GABBR2: variants seen among roughly 807,000 people sequenced by gnomAD.
The protein encoded by GABBR2 is gamma-aminobutyric acid type B receptor subunit 2, also known as G-protein coupled receptor 51.
A neutral mutation model predicts 105.6 loss-of-function variants in GABBR2; 23 were observed. That is an observed-to-expected ratio of 0.22 (90% CI 0.16 to 0.31). The LOEUF (loss-of-function observed/expected upper bound fraction) is 0.31, where lower values mean the gene tolerates loss of function less well. Ranked by LOEUF, GABBR2 falls within the 10% of genes least tolerant of loss-of-function variation. The probability of loss-of-function intolerance (pLI) is 1.00; values close to 1 mark genes in which losing one functional copy is unlikely to be tolerated. For synonymous variants in GABBR2, 478 were observed against 499.7 expected (o/e 0.96, Z 0.58); for missense variants, 734 against 1,245.5 (o/e 0.59, Z 6.18).
At chr9:98,684,992 G>C (rs1830602323) in intron 1 of GABBR2, among the ~76,000 whole-genome samples, 1 of 152,172 alleles carries the variant, frequency 6.6e-6, no homozygotes, top group African/African-American at 2.4e-5. Context: ...TATCATTCCT[G>C]GGTGTGTCTG....
intron 1 of GABBR2, among the ~76,000 whole-genome samples, chr9:98,661,709 CTA>C (rs1830266724): frequency 6.6e-6 from 1 of 152,148 alleles, no homozygotes; most frequent in African/African-American, 2.4e-5. Context: ...CCTGTGATGA[CTA>C]TGTTAGTGGA....
intron 1 of GABBR2, among the ~76,000 whole-genome samples, chr9:98,690,932 G>A (rs1226026392): frequency 6.6e-6 from 1 of 152,174 alleles, no homozygotes. Context: ...TGCCAACCTG[G>A]CCTCTCACTG....
At chr9:98,623,146 G>A (rs1368375268) in intron 1 of GABBR2, among the ~76,000 whole-genome samples, 11 of 152,148 alleles carry the variant, frequency 7.2e-5, no homozygotes, top group South Asian at 6.2e-4. Flanking sequence ...GTCTTCAGGC[G>A]GGGCGCGGTG....
intron 2 of GABBR2, among the ~76,000 whole-genome samples, chr9:98,575,925 A>G (rs1281149363): frequency 3.9e-5 from 6 of 152,274 alleles, no homozygotes; most frequent in African/African-American, 1.4e-4. Flanking sequence ...TTTCCTCTGC[A>G]GCGGCGCTCT....
intron 13 of GABBR2, among the ~76,000 whole-genome samples, chr9:98,347,175 T>C (rs513763): frequency 0.65 from 98,384 of 152,074 alleles, 32,668 homozygotes; most frequent in Admixed American, 0.74. Flanking sequence ...ATAATTGTTG[T>C]ACTAATTTAC....
intron 3 of GABBR2, among the ~76,000 whole-genome samples, chr9:98,497,860 T>A (rs1473706429): frequency 6.6e-6 from 1 of 152,146 alleles, no homozygotes; most frequent in Non-Finnish European, 1.5e-5. Flanking sequence ...TACCACATGA[T>A]CCAGCAATTC....
chr9:98,488,521 C>T (rs545534096), intron 4 of GABBR2, among the ~76,000 whole-genome samples: 46 of 152,088 alleles, frequency 3.0e-4, no homozygotes, highest in Admixed American at 5.2e-4. Context: ...GAAAGCCTGG[C>T]TCAATTTAGA....
chr9:98,327,801 G>A (rs1175607442), intron 13 of GABBR2, among the ~76,000 whole-genome samples: 1 of 151,580 alleles, frequency 6.6e-6, no homozygotes, highest in Non-Finnish European at 1.5e-5. Context: ...CCTGGGAGGT[G>A]GAAGTTACAG....
At chr9:98,345,571 C>T (rs1239726975) in intron 13 of GABBR2, among the ~76,000 whole-genome samples, 2 of 152,186 alleles carry the variant, frequency 1.3e-5, no homozygotes, top group Non-Finnish European at 2.9e-5. Context: ...TCCCACCACT[C>T]CTATTCAACA....
intron 6 of GABBR2, among the ~76,000 whole-genome samples, chr9:98,455,900 T>C (rs556475027): frequency 6.6e-6 from 1 of 152,318 alleles, no homozygotes; most frequent in Non-Finnish European, 1.5e-5. Context: ...TGCCTCCTCC[T>C]GTTTCAGGGT....
chr9:98,707,747 G>C (rs1830916934), intron 1 of GABBR2, among the ~76,000 whole-genome samples: 1 of 152,242 alleles, frequency 6.6e-6, no homozygotes, highest in South Asian at 2.1e-4. Flanking sequence ...CACTTTCTGA[G>C]CAACTAACCC....
chr9:98,299,749 TG>T (rs1830438899), intron 16 of GABBR2, among the ~76,000 whole-genome samples: 1 of 152,186 alleles, frequency 6.6e-6, no homozygotes, highest in Non-Finnish European at 1.5e-5. Flanking sequence ...TTTCTTTTTC[TG>T]TAGAATGGGG....
chr9:98,465,838 C>T (rs1205693728), intron 6 of GABBR2, among the ~76,000 whole-genome samples: 2 of 152,192 alleles, frequency 1.3e-5, no homozygotes, highest in African/African-American at 2.4e-5. Context: ...ACCAGAAAGA[C>T]GAATCTTCCC....
intron 6 of GABBR2, among the ~76,000 whole-genome samples, chr9:98,457,102 G>A (rs769267499): frequency 7.9e-5 from 12 of 152,316 alleles, no homozygotes; most frequent in East Asian, 3.9e-4. Flanking sequence ...ACTTGGATGC[G>A]TGTTTCTTTA....
rs147045805 is a variant in GABBR2, at chr9:98,526,176, C to T, written c.630+15697G>A. ...GAATTTTTTCCCAATAAAAACAAAACCCAAAACATTCTCCAATAGTTTCCC... is the reference window on the plus strand; with the variant it reads ...GAATTTTTTCCCAATAAAAACAAAATCCAAAACATTCTCCAATAGTTTCCC... On this transcript the variant is annotated intron_variant, in intron 3 of 18. Coordinates refer to ENST00000259455, the MANE Select transcript of GABBR2 (RefSeq NM_005458.8). 7.3e-3 allele frequency among the ~76,000 whole-genome samples: 1,107 copies of T among 152,212 alleles called. 1 individual carries two copies. The highest frequency in any genetic ancestry group is 0.015 in the South Asian group (73 of 4,816).
At chr9:98,466,049 T>C (rs1410765221) in intron 6 of GABBR2, among the ~76,000 whole-genome samples, 1 of 152,230 alleles carries the variant, frequency 6.6e-6, no homozygotes, top group Non-Finnish European at 1.5e-5. Context: ...CTCTTCCTCC[T>C]GCTTCCTTCT....
intron 1 of GABBR2, among the ~76,000 whole-genome samples, chr9:98,579,889 T>A (rs1334052650): frequency 6.6e-6 from 1 of 152,158 alleles, no homozygotes; most frequent in Non-Finnish European, 1.5e-5. Context: ...AATGTTTAGG[T>A]CTTAATTGAT....
chr9:98,647,171 T>C (rs1830036726), intron 1 of GABBR2, among the ~76,000 whole-genome samples: 1 of 152,254 alleles, frequency 6.6e-6, no homozygotes, highest in Admixed American at 6.5e-5. Context: ...ACAGTCCCTG[T>C]GCTATAGAGC....
intron 13 of GABBR2, among the ~76,000 whole-genome samples, chr9:98,349,957 C>T (rs1434282048): frequency 2.0e-5 from 3 of 152,092 alleles, no homozygotes; most frequent in East Asian, 3.9e-4. Context: ...GTTTTCTATT[C>T]CTTTCCGATT....
Sources: allele counts gnomAD v4.1 joint callset (sites outside exome capture counted in the v4.1 genomes callset), GRCh38; gene constraint gnomAD v4.1.1; transcripts MANE v1.5; gene names NCBI Gene and HGNC (gene_info 2026-07-23, HGNC 2026-07-21).